RAD51B: variants seen among roughly 807,000 people sequenced by gnomAD.
RAD51B encodes RAD51 paralog B, also known as DNA repair protein RAD51 homolog 2.
RAD51B carries 38 observed loss-of-function variants against 42.2 expected under a neutral mutation model. The observed-to-expected ratio is 0.90, with a 90% confidence interval of 0.70 to 1.18. RAD51B has a LOEUF of 1.18. RAD51B is among the 50% of genes most tolerant of loss of function. RAD51B has a pLI of 0.00. For missense variants in RAD51B, 373 were observed against 400.7 expected (o/e 0.93, Z 0.59); for synonymous variants, 154 against 145.2 (o/e 1.06, Z -0.43).
intron 5 of RAD51B, among the ~76,000 whole-genome samples, chr14:67,884,739 AT>A (rs762884426): frequency 9.9e-5 from 15 of 151,878 alleles, no homozygotes; most frequent in Non-Finnish European, 1.9e-4. Flanking sequence ...ACTATTCCTT[AT>A]TCATGAAGTA....
intron 10 of RAD51B, among the ~76,000 whole-genome samples, chr14:68,603,564 T>C (rs1891312725): frequency 1.3e-5 from 2 of 152,248 alleles, no homozygotes; most frequent in South Asian, 2.1e-4. Flanking sequence ...GTCCCCATCA[T>C]GCCTCCTGGC....
chr14:67,846,951 T>G (rs1427668233), intron 4 of RAD51B, among the ~76,000 whole-genome samples: 1 of 152,102 alleles, frequency 6.6e-6, no homozygotes, highest in Non-Finnish European at 1.5e-5. Flanking sequence ...CCAGCTCAGG[T>G]GTCCACACCC....
At chr14:68,668,656 G>A (rs1482118185) in intron 11 of RAD51B, among the ~76,000 whole-genome samples, 1 of 152,230 alleles carries the variant, frequency 6.6e-6, no homozygotes, top group African/African-American at 2.4e-5. Context: ...CTAAGGTAGA[G>A]CATAAAGGAA....
chr14:68,363,361 T>A (rs1419064658), intron 8 of RAD51B, among the ~76,000 whole-genome samples: 1 of 152,244 alleles, frequency 6.6e-6, no homozygotes, highest in Non-Finnish European at 1.5e-5. Flanking sequence ...GCATACCCAT[T>A]TCCATAGAAA....
Position 68,537,092 on chromosome 14 carries a change from C to CAAAA in RAD51B, c.1037-57378_1037-57375dup, listed in dbSNP as rs5809385. ...TGGGTGACAGAGTGAGGTCCTGTCTCAAAAAAAAAAAAAAAAAAGGCACCC... is the reference window on the plus strand; with the variant it reads ...TGGGTGACAGAGTGAGGTCCTGTCTCAAAAAAAAAAAAAAAAAAAAAAGGCACCC... On this transcript the variant is annotated intron_variant, in intron 10 of 10. Coordinates refer to the RAD51B transcript ENST00000487270. Among the ~76,000 whole-genome samples the CAAAA allele has an allele frequency of 2.6e-3, 274 of 104,544 alleles. 3 individuals carry two copies. Among genetic ancestry groups the CAAAA allele is most frequent in the Non-Finnish European group, 3.8e-3 (205 of 54,356 alleles). 68.6% of individuals were successfully genotyped at this position (104,544 alleles called of 152,430 possible).
At chr14:68,192,626 G>A (rs2079289430) in intron 7 of RAD51B, among the ~76,000 whole-genome samples, 1 of 152,116 alleles carries the variant, frequency 6.6e-6, no homozygotes, top group South Asian at 2.1e-4. Flanking sequence ...TTCTATTTGT[G>A]ACAATATGTC....
At chr14:68,142,527 A>T (rs2078149790) in intron 7 of RAD51B, among the ~76,000 whole-genome samples, 3 of 152,210 alleles carry the variant, frequency 2.0e-5, no homozygotes, top group Admixed American at 2.0e-4. Flanking sequence ...AGTTAGAAAT[A>T]TAATATTTTA....
chr14:68,268,531 G>A (rs1045851353), intron 7 of RAD51B, among the ~76,000 whole-genome samples: 3 of 152,174 alleles, frequency 2.0e-5, no homozygotes, highest in South Asian at 4.1e-4. Context: ...CAAAATGTCT[G>A]TTCACATCTC....
At chr14:68,627,601 C>G (rs1008196602) in intron 10 of RAD51B, among the ~76,000 whole-genome samples, 3 of 152,210 alleles carry the variant, frequency 2.0e-5, no homozygotes, top group African/African-American at 7.2e-5. Flanking sequence ...AGCACAATAA[C>G]TCACTTCTAA....
downstream of RAD51B, among the ~76,000 whole-genome samples, chr14:68,612,775 A>G (rs1270824432): frequency 6.7e-6 from 1 of 150,196 alleles, no homozygotes; most frequent in Non-Finnish European, 1.5e-5. Flanking sequence ...GATAAATTTT[A>G]TGTTACGTAT....
chr14:68,551,768 G>A (rs1445919768), intron 10 of RAD51B, among the ~76,000 whole-genome samples: 1 of 152,136 alleles, frequency 6.6e-6, no homozygotes, highest in East Asian at 1.9e-4. Context: ...TTTTCCATGT[G>A]CAGGCACTGG....
intron 5 of RAD51B, among the ~76,000 whole-genome samples, chr14:67,866,266 A>G (rs1227787129): frequency 6.6e-6 from 1 of 152,076 alleles, no homozygotes. Context: ...ATAAATGGTT[A>G]AAAAAAAGAA....
chr14:68,188,267 C>G (rs75221050), intron 7 of RAD51B, among the ~76,000 whole-genome samples: 1 of 145,322 alleles, frequency 6.9e-6, no homozygotes. Context: ...CTTTGTTGTT[C>G]TTCTTTTTTC....
chr14:68,294,332 C>G lies in RAD51B; in HGVS notation c.853+2352C>G, dbSNP rs553521963. On this transcript the variant is annotated intron_variant, in intron 8 of 10. Transcript: ENST00000471583. The stretch of plus-strand genomic sequence containing the variant: ...TTGTATAGCTGAGCAGATAAAGAGG[C>G]TATATAAATATATTCCTATAGTCTA... Among the ~76,000 whole-genome samples the G allele has an allele frequency of 2.0e-5, 3 of 152,030 alleles. No homozygotes were observed. In the South Asian group the frequency reaches 6.2e-4, roughly 32 times the overall value.
intron 7 of RAD51B, among the ~76,000 whole-genome samples, chr14:68,074,016 G>A (rs1411428723): frequency 6.6e-6 from 1 of 152,154 alleles, no homozygotes; most frequent in East Asian, 1.9e-4. Flanking sequence ...GGATGGTCAT[G>A]TTGTATAGTA....
In RAD51B at chr14:68,408,988, G is replaced by C. The variant is rs555128363; in HGVS notation, c.854-2436G>C. ...ATAGAGAAAAAAAAAATAGGTTAAT[G>C]GTTGCCAAGAGCTGGAGGTGGGCAG... On this transcript the variant is annotated intron_variant, in intron 8 of 10. Coordinates refer to ENST00000471583, the MANE Select transcript of RAD51B (RefSeq NM_133510.4). Among the ~76,000 whole-genome samples, 34 of 152,262 alleles carry C rather than the reference G, an allele frequency of 2.2e-4. No homozygotes were observed. The South Asian group carries it at 2.3e-3, about 10-fold the overall frequency.
downstream of RAD51B, among the ~76,000 whole-genome samples, chr14:68,597,735 A>C (rs965603572): frequency 2.0e-5 from 3 of 151,684 alleles, no homozygotes; most frequent in Middle Eastern, 3.2e-3. Flanking sequence ...TGTTCAGCAA[A>C]CCCCTGTAAC....
intron 7 of RAD51B, among the ~76,000 whole-genome samples, chr14:68,036,259 C>A (rs568322413): frequency 6.6e-6 from 1 of 152,180 alleles, no homozygotes. Context: ...TCTTCGCTAA[C>A]GTTACAAAAT....
intron 10 of RAD51B, among the ~76,000 whole-genome samples, chr14:68,576,943 T>C (rs1889987971): frequency 6.6e-6 from 1 of 152,168 alleles, no homozygotes; most frequent in African/African-American, 2.4e-5. Context: ...AAATGGTAGA[T>C]GAAAGCGGAA....
Sources: allele counts gnomAD v4.1 joint callset (sites outside exome capture counted in the v4.1 genomes callset), GRCh38; gene constraint gnomAD v4.1.1; transcripts MANE v1.5; gene names NCBI Gene and HGNC (gene_info 2026-07-23, HGNC 2026-07-21).